Variants in GMDS observed in about 807,000 individuals in gnomAD.
GMDS encodes the protein GDP-mannose 4,6 dehydratase.
GMDS carries 20 observed loss-of-function variants against 49.9 expected under a neutral mutation model. That is an observed-to-expected ratio of 0.40 (90% CI 0.28 to 0.58). GMDS has a LOEUF of 0.58. GMDS is among the 20% of genes least tolerant of loss of function. The pLI is 0.42. For missense variants in GMDS, 362 were observed against 481.4 expected, an observed-to-expected ratio of 0.75 and a Z score of 2.32; for synonymous variants, 177 against 178.6, an observed-to-expected ratio of 0.99 and a Z score of 0.07.
chr6:1,807,677 C>A (rs1187462221), intron 7 of GMDS, among the ~76,000 whole-genome samples: 1 of 152,184 alleles, frequency 6.6e-6, no homozygotes, highest in Non-Finnish European at 1.5e-5. Context: ...CAGTAAGATT[C>A]CAGAGCAACT....
intron 10 of GMDS, 46 bp downstream of exon 10, chr6:1,624,426 G>A (rs1306380118): frequency 6.5e-7 from 1 of 1,549,578 alleles, no homozygotes; most frequent in South Asian, 1.1e-5. Context: ...CCGCCCTGCA[G>A]CCCGGGGCCC....
intron 4 of GMDS, among the ~76,000 whole-genome samples, chr6:2,102,115 G>C (rs953068460): frequency 1.3e-5 from 2 of 151,928 alleles, no homozygotes; most frequent in Non-Finnish European, 2.9e-5. Flanking sequence ...ATGTAGTCAC[G>C]TAAACAAATG....
rs184700085 is a variant in GMDS at position 2,068,967 on chromosome 6, T to G, written c.345+46804A>C. Among the ~76,000 whole-genome samples, 159 of 152,310 alleles carry G rather than the reference T, an allele frequency of 1.0e-3. 1 individual carries two copies. The Middle Eastern group carries it at 0.027, about 26-fold the overall frequency. On this transcript the variant is annotated intron_variant, in intron 4 of 10. Coordinates refer to ENST00000380815, the MANE Select transcript of GMDS (RefSeq NM_001500.4). Reference sequence around the variant, plus strand: ...ACAGCCTGCATCGCCAAGTCAAGCCTAAGTCAAAAGAACAAAGCTGGAGGC... The same window carrying G: ...ACAGCCTGCATCGCCAAGTCAAGCCGAAGTCAAAAGAACAAAGCTGGAGGC...
chr6:2,106,854 C>G (rs1774270437), intron 4 of GMDS, among the ~76,000 whole-genome samples: 1 of 146,012 alleles, frequency 6.8e-6, no homozygotes, highest in African/African-American at 2.8e-5. Flanking sequence ...CAGAGCGAGA[C>G]TCTGTCTCAA....
At chr6:2,172,564 G>T (rs921472762) in intron 1 of GMDS, among the ~76,000 whole-genome samples, 1 of 152,012 alleles carries the variant, frequency 6.6e-6, no homozygotes, top group Non-Finnish European at 1.5e-5. Context: ...ATGGTGGTGG[G>T]CACCTATAAT....
In GMDS at chr6:1,925,860, C is replaced by T. The variant is rs73425536; in HGVS notation, c.771+4243G>A. ...TTCCCAAGACCACCCTGGCCCACCA[C>T]ACCCCCATGCTGTGCCTATAAAAAC... On this transcript the variant is annotated intron_variant, in intron 7 of 10. Transcript: ENST00000380815. Among the ~76,000 whole-genome samples, 1,414 of 152,286 alleles carry T rather than the reference C, an allele frequency of 9.3e-3. 22 individuals are homozygous for T. Among genetic ancestry groups the T allele is most frequent in the African/African-American group, 0.032 (1,350 of 41,564 alleles).
chr6:1,796,926 A>G (rs226456), intron 7 of GMDS, among the ~76,000 whole-genome samples: 45,272 of 152,054 alleles, frequency 0.3, 6,840 homozygotes, highest in African/African-American at 0.35. Context: ...GTTTATTCAA[A>G]TGGCTCAAAA....
intron 1 of GMDS, among the ~76,000 whole-genome samples, chr6:2,185,019 T>C (rs550876724): frequency 2.0e-5 from 3 of 151,614 alleles, no homozygotes; most frequent in East Asian, 3.9e-4. Context: ...ACAAGATCCC[T>C]GCACTCACAG....
At chr6:2,203,063 T>C (rs566338244) in intron 1 of GMDS, among the ~76,000 whole-genome samples, 1 of 152,320 alleles carries the variant, frequency 6.6e-6, no homozygotes, top group African/African-American at 2.4e-5. Flanking sequence ...TTGTTAACTT[T>C]ACAGGAATGT....
At chr6:1,658,751 G>A (rs185545184) in intron 9 of GMDS, among the ~76,000 whole-genome samples, 4 of 152,378 alleles carry the variant, frequency 2.6e-5, no homozygotes, top group Admixed American at 2.6e-4. Flanking sequence ...CTCACAGACA[G>A]GAACTGAGGC....
chr6:2,047,659 T>C (rs1488348478), intron 4 of GMDS, among the ~76,000 whole-genome samples: 3 of 151,924 alleles, frequency 2.0e-5, no homozygotes, highest in African/African-American at 7.3e-5. Context: ...CATCTAATTT[T>C]CGTCATTTTA....
intron 7 of GMDS, among the ~76,000 whole-genome samples, chr6:1,816,626 A>G (rs182361187): frequency 6.6e-6 from 1 of 152,322 alleles, no homozygotes; most frequent in Non-Finnish European, 1.5e-5. Flanking sequence ...ATATAAAAGT[A>G]ATATATTCTC....
intron 9 of GMDS, among the ~76,000 whole-genome samples, chr6:1,670,341 C>T (rs892319339): frequency 6.6e-6 from 1 of 150,860 alleles, no homozygotes; most frequent in African/African-American, 2.4e-5. Flanking sequence ...AGAGCTACTT[C>T]AAAATCAAGT....
At chr6:1,670,630 C>T (rs1205151214) in intron 9 of GMDS, among the ~76,000 whole-genome samples, 1 of 152,116 alleles carries the variant, frequency 6.6e-6, no homozygotes, top group African/African-American at 2.4e-5. Flanking sequence ...TTAAAAAGAA[C>T]ATTTAAAATG....
intron 9 of GMDS, among the ~76,000 whole-genome samples, chr6:1,688,207 T>C (rs534658008): frequency 6.6e-6 from 1 of 152,272 alleles, no homozygotes; most frequent in Admixed American, 6.5e-5. Flanking sequence ...GGAGTCAATG[T>C]TGACTCTGAT....
intron 4 of GMDS, among the ~76,000 whole-genome samples, chr6:2,082,600 A>G (rs1772778510): frequency 6.6e-6 from 1 of 152,210 alleles, no homozygotes; most frequent in Non-Finnish European, 1.5e-5. Flanking sequence ...AAATCCTAAC[A>G]CTGAAAGAGC....
At chr6:1,840,215 G>A (rs1190517842) in intron 7 of GMDS, among the ~76,000 whole-genome samples, 1 of 152,170 alleles carries the variant, frequency 6.6e-6, no homozygotes, top group Non-Finnish European at 1.5e-5. Flanking sequence ...ATAAGTGAAT[G>A]CTATTCTGTT....
At chr6:2,067,965 A>G (rs1219335537) in intron 4 of GMDS, among the ~76,000 whole-genome samples, 5 of 151,546 alleles carry the variant, frequency 3.3e-5, no homozygotes, top group Admixed American at 1.3e-4. Context: ...ACAACAAAAA[A>G]AGAGAATTTT....
chr6:1,791,564 G>A (rs909756362), intron 7 of GMDS, among the ~76,000 whole-genome samples: 4 of 152,118 alleles, frequency 2.6e-5, no homozygotes, highest in Admixed American at 6.5e-5. Context: ...TAGGAGTTAC[G>A]GCTTCAACAT....
Sources: gnomAD v4.1 joint callset for allele counts (sites outside exome capture counted in the v4.1 genomes callset) on GRCh38, gnomAD v4.1.1 for gene constraint, MANE v1.5 for transcripts, NCBI Gene and HGNC (gene_info 2026-07-23, HGNC 2026-07-21) for gene names.